The following AGBL1 variants were observed in gnomAD, a reference collection of about 807,000 sequenced individuals.
AGBL1 encodes the protein AGBL carboxypeptidase 1.
AGBL1 carries 130 observed loss-of-function variants against 118.9 expected under a neutral mutation model. That is an observed-to-expected ratio of 1.09 (90% CI 0.95 to 1.26). The LOEUF (loss-of-function observed/expected upper bound fraction) is 1.26, where lower values mean the gene tolerates loss of function less well. Ranked by LOEUF, AGBL1 falls within the 50% of genes most tolerant of loss-of-function variation. The pLI, the probability that AGBL1 is intolerant of heterozygous loss-of-function variation, is 0.00. For synonymous variants in AGBL1, 555 were observed against 478.9 expected (o/e 1.16, Z -2.08); for missense variants, 1,584 against 1,298.1 (o/e 1.22, Z -3.38).
At chr15:86,859,354 G>A (rs1457559037) in intron 22 of AGBL1, among the ~76,000 whole-genome samples, 1 of 152,150 alleles carries the variant, frequency 6.6e-6, no homozygotes. Context: ...TAGTGTGCCA[G>A]GTGCTAGGGT....
At chr15:86,428,710 A>G (rs965103802) in intron 18 of AGBL1, among the ~76,000 whole-genome samples, 1 of 152,230 alleles carries the variant, frequency 6.6e-6, no homozygotes, top group Admixed American at 6.5e-5. Context: ...TCAATAATAG[A>G]GTTCGCAGAA....
chr15:86,257,983 C>A lies in AGBL1; in HGVS notation c.921C>A (p.Gly307=). The A allele has an allele frequency of 6.2e-7, 1 of 1,613,410 alleles. No individual in the cohort carries two copies. The highest frequency in any genetic ancestry group is 8.5e-7 in the Non-Finnish European group (1 of 1,179,700). The part of the protein sequence containing the change: ...DLPEEDFEDD[G]DDEVDKDSDT... The stretch of plus-strand genomic sequence containing the variant: ...ATCCAGAGGATTTTGAAGATGATGG[C>A]GATGATGAAGTGGACAAAGACTCTG... The change falls in exon 9 of 23, where the codon GGC becomes GGA. Residue 307 remains glycine, a synonymous_variant. Coordinates refer to ENST00000614907, the MANE Select transcript of AGBL1 (RefSeq NM_001386094.1).
In AGBL1 at chr15:86,496,968, T is replaced by A. The variant is rs1406973319; in HGVS notation, c.2556-25842T>A. 2.0e-5 allele frequency among the ~76,000 whole-genome samples: 3 copies of A among 152,110 alleles called. No individual in the cohort carries two copies. The East Asian group carries it at 5.8e-4, about 29-fold the overall frequency. On this transcript the variant is annotated intron_variant, in intron 18 of 22. Transcript: ENST00000614907. ...ATGATGTTTTGATATACATATACAG[T>A]GTGAAATGACTACCACAATCTAAAA... is the stretch of plus-strand genomic sequence containing the variant.
intron 22 of AGBL1, among the ~76,000 whole-genome samples, chr15:86,757,545 C>T (rs1315678499): frequency 2.0e-5 from 3 of 152,026 alleles, no homozygotes; most frequent in Non-Finnish European, 4.4e-5. Context: ...AGGGAAAAAC[C>T]AAGGCTCAGT....
At chr15:86,968,265 T>G (rs927252018) in intron 23 of AGBL1, among the ~76,000 whole-genome samples, 18 of 151,852 alleles carry the variant, frequency 1.2e-4, no homozygotes, top group African/African-American at 4.3e-4. Flanking sequence ...TAGGGGCCAA[T>G]AGTCTCTGAG....
intron 19 of AGBL1, among the ~76,000 whole-genome samples, chr15:86,539,953 G>T (rs1596244094): frequency 6.6e-6 from 1 of 152,178 alleles, no homozygotes; most frequent in East Asian, 1.9e-4. Context: ...TCTGGATGGG[G>T]TAATATAGAA....
chr15:86,925,361 A>T (rs954317119), intron 23 of AGBL1, among the ~76,000 whole-genome samples: 1 of 152,134 alleles, frequency 6.6e-6, no homozygotes, highest in Non-Finnish European at 1.5e-5. Context: ...TGCTGGTCCA[A>T]GGAACACCCT....
At chr15:86,454,267 A>G (rs139438518) in intron 18 of AGBL1, among the ~76,000 whole-genome samples, 89 of 152,338 alleles carry the variant, frequency 5.8e-4, no homozygotes, top group Non-Finnish European at 1.0e-3. Flanking sequence ...ATCATTAAAA[A>G]TGAAGCTAAT....
chr15:86,440,703 T>G (rs1352924547), intron 18 of AGBL1, among the ~76,000 whole-genome samples: 2 of 152,142 alleles, frequency 1.3e-5, no homozygotes, highest in African/African-American at 2.4e-5. Context: ...AGGTAGAGTA[T>G]GTACCTACTG....
At chr15:86,433,566 T>G (rs2081965905) in intron 18 of AGBL1, among the ~76,000 whole-genome samples, 1 of 152,116 alleles carries the variant, frequency 6.6e-6, no homozygotes, top group Non-Finnish European at 1.5e-5. Context: ...TTCACATTTC[T>G]TGGAGAGAGA....
chr15:86,581,074 G>A (rs1359395478), intron 21 of AGBL1, among the ~76,000 whole-genome samples: 1 of 152,070 alleles, frequency 6.6e-6, no homozygotes. Flanking sequence ...TTCCAAAAGG[G>A]GAGTTACTAA....
chr15:86,331,600 A>C (rs960869805), intron 17 of AGBL1, among the ~76,000 whole-genome samples: 9 of 151,996 alleles, frequency 5.9e-5, no homozygotes, highest in African/African-American at 9.6e-5. Context: ...CTAACAGCAG[A>C]CTTCACAGCA....
intron 21 of AGBL1, among the ~76,000 whole-genome samples, chr15:86,559,973 A>G (rs1003664066): frequency 6.6e-6 from 1 of 152,186 alleles, no homozygotes; most frequent in African/African-American, 2.4e-5. Flanking sequence ...TTTCTTATTT[A>G]TAATAGGAAG....
At chr15:86,682,515 C>G (rs2142572892) in intron 22 of AGBL1, among the ~76,000 whole-genome samples, 1 of 152,184 alleles carries the variant, frequency 6.6e-6, no homozygotes, top group Non-Finnish European at 1.5e-5. Flanking sequence ...TTACTTTTCT[C>G]TGGAGAGCAA....
chr15:86,780,938 G>C (rs2078327759), intron 22 of AGBL1, among the ~76,000 whole-genome samples: 1 of 152,036 alleles, frequency 6.6e-6, no homozygotes, highest in South Asian at 2.1e-4. Context: ...AAAGTGCTAG[G>C]ATTACAGGCA....
intron 22 of AGBL1, among the ~76,000 whole-genome samples, chr15:86,704,562 G>A (rs781363568): frequency 1.3e-5 from 2 of 152,138 alleles, no homozygotes; most frequent in African/African-American, 4.8e-5. Flanking sequence ...TTAGAGAAAC[G>A]CAAATCAAAA....
chr15:86,263,800 T>A (rs28637588), intron 10 of AGBL1, among the ~76,000 whole-genome samples: 4,685 of 152,246 alleles, frequency 0.031, 252 homozygotes, highest in African/African-American at 0.11. Context: ...CATCTAAGGG[T>A]ATAAGCTAAG....
At chr15:86,619,069 G>A (rs1402276688) in intron 21 of AGBL1, among the ~76,000 whole-genome samples, 1 of 151,984 alleles carries the variant, frequency 6.6e-6, no homozygotes, top group Admixed American at 6.6e-5. Flanking sequence ...GGGGTCTGTG[G>A]CCAGAGTGCT....
chr15:86,555,238 A>C (rs2083717644), intron 21 of AGBL1, among the ~76,000 whole-genome samples: 1 of 152,206 alleles, frequency 6.6e-6, no homozygotes, highest in Non-Finnish European at 1.5e-5. Flanking sequence ...GTGCCAGGGT[A>C]ATAGACTCTT....
Sources: allele counts gnomAD v4.1 joint callset (sites outside exome capture counted in the v4.1 genomes callset), GRCh38; gene constraint gnomAD v4.1.1; transcripts MANE v1.5; gene names NCBI Gene and HGNC (gene_info 2026-07-23, HGNC 2026-07-21).